Variants in UBR3 observed in about 807,000 individuals in gnomAD.
UBR3 encodes the protein ubiquitin protein ligase E3 component n-recognin 3.
Under a neutral mutation model 243.2 loss-of-function variants are expected in UBR3, and 85 were observed. The observed-to-expected ratio is 0.35, with a 90% CI of 0.29 to 0.42. The LOEUF (loss-of-function observed/expected upper bound fraction) is 0.42, where lower values mean the gene tolerates loss of function less well. Ranked by LOEUF, UBR3 falls within the 10% of genes least tolerant of loss-of-function variation. The pLI is 1.00. For synonymous variants in UBR3, 748 were observed against 799.8 expected (o/e 0.94, Z 1.09); for missense variants, 1,686 against 2,300.8 (o/e 0.73, Z 5.47).
At chr2:169,901,154 C>G (rs997125201) in intron 8 of UBR3, among the ~76,000 whole-genome samples, 5 of 152,128 alleles carry the variant, frequency 3.3e-5, no homozygotes, top group African/African-American at 1.2e-4. Flanking sequence ...CCTAGTGTCT[C>G]TGCTTTTCAC....
chr2:170,021,053 G>GC, intron 30 of UBR3, among the ~76,000 whole-genome samples: 1 of 152,208 alleles, frequency 6.6e-6, no homozygotes, highest in Middle Eastern at 3.4e-3. Flanking sequence ...TTAAAGGATG[G>GC]TGATATTAAA....
intron 11 of UBR3, 88 bp downstream of exon 11, chr2:169,914,234 A>T: frequency 1.5e-6 from 1 of 652,158 alleles, no homozygotes; most frequent in Non-Finnish European, 2.3e-6. Flanking sequence ...GTTGAAAATA[A>T]TGAATACTTT....
At chr2:169,982,615 A>T (rs1209809787) in intron 24 of UBR3, among the ~76,000 whole-genome samples, 1 of 152,064 alleles carries the variant, frequency 6.6e-6, no homozygotes, top group Non-Finnish European at 1.5e-5. Context: ...CATTTTGGAA[A>T]ATGATTTTTT....
chr2:169,895,347 TTTTC>T, intron 7 of UBR3, 36 bp downstream of exon 7: 4 of 1,512,582 alleles, frequency 2.6e-6, no homozygotes, highest in Non-Finnish European at 3.5e-6. Context: ...TGAACTTAGC[TTTTC>T]TTTCTTTGCC....
chr2:169,873,653 A>G (rs1262352669), intron 2 of UBR3, among the ~76,000 whole-genome samples: 1 of 152,134 alleles, frequency 6.6e-6, no homozygotes, highest in Admixed American at 6.5e-5. Context: ...AGTCTGGGTG[A>G]CAGAGTGAGA....
chr2:169,885,925 C>T (rs1226055150), intron 5 of UBR3, among the ~76,000 whole-genome samples: 5 of 152,024 alleles, frequency 3.3e-5, no homozygotes, highest in South Asian at 2.1e-4. Context: ...TTTGGGAGGC[C>T]GAGGTGGGCG....
At chr2:169,959,019 A>G (rs1005848225) in intron 24 of UBR3, among the ~76,000 whole-genome samples, 2 of 152,222 alleles carry the variant, frequency 1.3e-5, no homozygotes, top group Admixed American at 6.5e-5. Context: ...TTTTACACAC[A>G]TTGGAGAAAT....
intron 30 of UBR3, among the ~76,000 whole-genome samples, chr2:170,025,636 G>A (rs546704146): frequency 1.3e-5 from 2 of 152,182 alleles, no homozygotes; most frequent in Non-Finnish European, 2.9e-5. Context: ...TGGATTGGAA[G>A]GGGTGAACCA....
chr2:169,875,861 A>G lies in UBR3; in HGVS notation c.756A>G (p.Leu252=). ...LQLLEPQISF[L]EDLTKMGGAM... ...TTTTGGAACCTCAAATTTCCTTTTT[A>G]GAAGACCTGACTAAAATGGGAGGAG... Residue 252 remains leucine, a synonymous_variant, in exon 3 of 39, where the codon TTA becomes TTG. Transcript: ENST00000272793. 6.5e-7 allele frequency: 1 copy of G among 1,550,268 alleles called. No homozygotes were observed. The highest frequency in any genetic ancestry group is 2.5e-5 in the East Asian group (1 of 40,786).
chr2:169,899,169 A>G (rs2084715187), intron 8 of UBR3, among the ~76,000 whole-genome samples: 1 of 151,218 alleles, frequency 6.6e-6, no homozygotes. Context: ...TAGTAGAGAC[A>G]GGGTTTCACT....
At chr2:169,914,905 C>G (rs2085400573) in intron 11 of UBR3, among the ~76,000 whole-genome samples, 1 of 151,422 alleles carries the variant, frequency 6.6e-6, no homozygotes, top group Non-Finnish European at 1.5e-5. Flanking sequence ...AAATTTTTGA[C>G]ACAATCACAA....
At chr2:170,079,529 A>G (rs752473622) in intron 36 of UBR3, among the ~76,000 whole-genome samples, 4 of 152,196 alleles carry the variant, frequency 2.6e-5, no homozygotes, top group Non-Finnish European at 5.9e-5. Context: ...ATGCTTAGAG[A>G]TGGTGTTTTT....
chr2:170,045,379 A>G lies in UBR3; in HGVS notation c.4660+4394A>G, dbSNP rs184821692. ...TTCAAGATGAGATTTGGGTGGGGAG[A>G]CAATCAGACTGTATCAGGGAGGGTC... On this transcript the variant is annotated intron_variant, in intron 32 of 38. Transcript: ENST00000272793. Among the ~76,000 whole-genome samples the G allele has an allele frequency of 4.6e-3, 697 of 152,228 alleles. 3 individuals carry two copies. The highest frequency in any genetic ancestry group is 7.0e-3 in the Non-Finnish European group (477 of 68,004).
intron 24 of UBR3, among the ~76,000 whole-genome samples, chr2:169,967,960 G>C (rs567284027): frequency 6.0e-5 from 9 of 151,258 alleles, no homozygotes; most frequent in Non-Finnish European, 1.3e-4. Flanking sequence ...ACCTTTCTTA[G>C]GTAACACATA....
intron 36 of UBR3, among the ~76,000 whole-genome samples, 160 bp from the exon 37 acceptor site, chr2:170,079,649 CTATTT>C (rs1434259761): frequency 6.6e-6 from 1 of 152,012 alleles, no homozygotes; most frequent in Non-Finnish European, 1.5e-5. Flanking sequence ...TGTTGAACTA[CTATTT>C]TAGTCATGTA....
At chr2:170,014,819 C>T in intron 29 of UBR3, 1 of 152,922 alleles carries the variant, frequency 6.5e-6, no homozygotes, top group Non-Finnish European at 1.5e-5. Flanking sequence ...TTCCAGATAC[C>T]ATCTAACCTC....
intron 2 of UBR3, among the ~76,000 whole-genome samples, chr2:169,873,236 G>A (rs767097763): frequency 3.9e-5 from 6 of 152,098 alleles, no homozygotes; most frequent in Non-Finnish European, 8.8e-5. Flanking sequence ...GTAGGGGAAT[G>A]TTATATAATG....
At chr2:169,869,433 AG>A (rs376366276) in intron 1 of UBR3, among the ~76,000 whole-genome samples, 1 of 152,060 alleles carries the variant, frequency 6.6e-6, no homozygotes, top group Non-Finnish European at 1.5e-5. Context: ...CATGTTGGCC[AG>A]GCTGGTCTCA....
intron 30 of UBR3, among the ~76,000 whole-genome samples, chr2:170,027,939 A>G (rs1490764532): frequency 6.6e-6 from 1 of 151,914 alleles, no homozygotes; most frequent in Non-Finnish European, 1.5e-5. Context: ...GTGAGGGTTA[A>G]TAATATTACC....
Sources: allele counts gnomAD v4.1 joint callset (sites outside exome capture counted in the v4.1 genomes callset), GRCh38; gene constraint gnomAD v4.1.1; transcripts MANE v1.5; gene names NCBI Gene and HGNC (gene_info 2026-07-23, HGNC 2026-07-21).